The following COL10A1 variants were observed in gnomAD, a reference collection of about 807,000 sequenced individuals.
The protein encoded by COL10A1 is collagen alpha-1(X) chain.
In COL10A1, 10 loss-of-function variants were observed where a neutral mutation model predicts 18.2. The ratio of observed to expected loss-of-function variants is 0.55; its 90% CI spans 0.34 to 0.93. The LOEUF is 0.93. Ranked by LOEUF, COL10A1 falls within the 40% of genes least tolerant of loss-of-function variation. The pLI is 0.02. For missense variants in COL10A1, 897 were observed against 853.5 expected (o/e 1.05, Z -0.64); for synonymous variants, 330 against 316.6 (o/e 1.04, Z -0.45).
chr6:116,163,051 C>T (rs1336305948), upstream of COL10A1, among the ~76,000 whole-genome samples: 1 of 144,716 alleles, frequency 6.9e-6, no homozygotes, highest in African/African-American at 2.6e-5. Flanking sequence ...GGCGTGAACC[C>T]GGGAGGTGGA....
At chr6:116,194,846 C>T in the COL10A1 span, among the ~76,000 whole-genome samples, 1 of 152,006 alleles carries the variant, frequency 6.6e-6, no homozygotes, top group Non-Finnish European at 1.5e-5. Context: ...AGACACTCTA[C>T]ATACTGTTGT....
At chr6:116,157,026 T>C (rs769641070) in intron 1 of COL10A1, among the ~76,000 whole-genome samples, 17 of 152,160 alleles carry the variant, frequency 1.1e-4, no homozygotes, top group Non-Finnish European at 2.4e-4. Context: ...CCTAAGTGCG[T>C]TCACTTCATA....
At chr6:116,188,490 A>G in the COL10A1 span, among the ~76,000 whole-genome samples, 8 of 152,056 alleles carry the variant, frequency 5.3e-5, no homozygotes, top group Admixed American at 1.3e-4. Context: ...AACAACATGA[A>G]TGAATCTTAA....
intron 2 of COL10A1, among the ~76,000 whole-genome samples, chr6:116,122,429 GAAC>G (rs1779159511): frequency 1.3e-5 from 2 of 152,184 alleles, no homozygotes; most frequent in Non-Finnish European, 2.9e-5. Context: ...TGCCTCTGCT[GAAC>G]ACAGGTTAGA....
chr6:116,199,236 T>C, the COL10A1 span, among the ~76,000 whole-genome samples: 1 of 152,100 alleles, frequency 6.6e-6, no homozygotes, highest in East Asian at 1.9e-4. Flanking sequence ...GTTACGCCTA[T>C]TAAATTTTAC....
the COL10A1 span, among the ~76,000 whole-genome samples, chr6:116,164,751 G>T: frequency 2.6e-5 from 4 of 152,102 alleles, no homozygotes; most frequent in African/African-American, 9.7e-5. Context: ...TACTGGTCTA[G>T]TGGTGACAAA....
chr6:116,213,830 A>G, the COL10A1 span, among the ~76,000 whole-genome samples: 22 of 152,172 alleles, frequency 1.4e-4, no homozygotes, highest in South Asian at 4.2e-3. Context: ...GTGTCTAGGT[A>G]AGTAGAAGGG....
chr6:116,184,015 A>C, the COL10A1 span, among the ~76,000 whole-genome samples: 1 of 151,992 alleles, frequency 6.6e-6, no homozygotes. Flanking sequence ...TTCCCTGTTC[A>C]GTTTAATGTT....
upstream of COL10A1, among the ~76,000 whole-genome samples, chr6:116,127,189 C>G (rs983400371): frequency 3.3e-5 from 5 of 152,114 alleles, no homozygotes; most frequent in African/African-American, 1.2e-4. Context: ...GGATTCAGGA[C>G]TAATCAATAA....
At chr6:116,184,638 A>T in the COL10A1 span, among the ~76,000 whole-genome samples, 1 of 152,006 alleles carries the variant, frequency 6.6e-6, no homozygotes, top group Non-Finnish European at 1.5e-5. Context: ...CCAGGAATTT[A>T]TCCATCTCCT....
At chr6:116,200,001 G>T in the COL10A1 span, among the ~76,000 whole-genome samples, 29,550 of 149,912 alleles carry the variant, frequency 0.2, 3,850 homozygotes, top group Middle Eastern at 0.34. Context: ...ATGGAAAGTG[G>T]GGGGGGAAGA....
chr6:116,184,096 G>T, the COL10A1 span, among the ~76,000 whole-genome samples: 1 of 151,994 alleles, frequency 6.6e-6, no homozygotes, highest in South Asian at 2.1e-4. Context: ...TTTGCTGAGG[G>T]TTTTAATCAT....
chr6:116,152,894 G>A (rs186463105), intron 1 of COL10A1, among the ~76,000 whole-genome samples: 29 of 151,924 alleles, frequency 1.9e-4, no homozygotes, highest in South Asian at 6.2e-4. Flanking sequence ...CTATGATGTC[G>A]CCAGAGAAAA....
chr6:116,123,430 A>G (rs1327694233), intron 2 of COL10A1, among the ~76,000 whole-genome samples: 1 of 152,188 alleles, frequency 6.6e-6, no homozygotes, highest in Non-Finnish European at 1.5e-5. Flanking sequence ...CTCAAGGTAA[A>G]ACGACTACTT....
At chr6:116,152,960 A>G (rs994216898) in intron 1 of COL10A1, among the ~76,000 whole-genome samples, 1 of 152,140 alleles carries the variant, frequency 6.6e-6, no homozygotes, top group East Asian at 1.9e-4. Flanking sequence ...TCTTATTTTT[A>G]TAGTATAATA....
the COL10A1 span, among the ~76,000 whole-genome samples, chr6:116,189,276 A>G: frequency 6.6e-6 from 1 of 151,804 alleles, no homozygotes; most frequent in African/African-American, 2.4e-5. Flanking sequence ...AGAATTGTGT[A>G]ATTGATTGTG....
At chr6:116,180,278 A>G in the COL10A1 span, among the ~76,000 whole-genome samples, 1 of 152,110 alleles carries the variant, frequency 6.6e-6, no homozygotes, top group African/African-American at 2.4e-5. Flanking sequence ...AAATCATAAA[A>G]GGAAAGAATG....
chr6:116,133,376 A>C (rs745619444), intron 1 of COL10A1, among the ~76,000 whole-genome samples: 3 of 152,220 alleles, frequency 2.0e-5, no homozygotes, highest in Non-Finnish European at 2.9e-5. Context: ...TAGAGAAGTC[A>C]CAGGGTAACA....
chr6:116,155,780 G>C (rs1005454735), intron 1 of COL10A1, among the ~76,000 whole-genome samples: 4 of 150,552 alleles, frequency 2.7e-5, no homozygotes, highest in African/African-American at 9.8e-5. Context: ...AAAGAGGGAG[G>C]AAGTTGTGTG....
Sources: gnomAD v4.1 joint callset for allele counts (sites outside exome capture counted in the v4.1 genomes callset) on GRCh38, gnomAD v4.1.1 for gene constraint, MANE v1.5 for transcripts, NCBI Gene and HGNC (gene_info 2026-07-23, HGNC 2026-07-21) for gene names.